The following RALY variants were observed in gnomAD, a reference collection of about 807,000 sequenced individuals.
RALY encodes RALY heterogeneous nuclear ribonucleoprotein.
RALY carries 15 observed loss-of-function variants against 30.7 expected under a neutral mutation model. That is an observed-to-expected ratio of 0.49 (90% CI 0.33 to 0.75). The LOEUF (loss-of-function observed/expected upper bound fraction) is 0.75. Among genes scored for constraint, RALY ranks in the 30% least tolerant of loss-of-function variants. The probability of loss-of-function intolerance (pLI) is 0.02; values close to 1 mark genes in which losing one functional copy is unlikely to be tolerated. For synonymous variants in RALY, 177 were observed against 170.8 expected (o/e 1.04, Z -0.28); for missense variants, 339 against 414.3 (o/e 0.82, Z 1.58).
At chr20:34,045,605 G>A (rs2032853422) in intron 2 of RALY, among the ~76,000 whole-genome samples, 1 of 152,200 alleles carries the variant, frequency 6.6e-6, no homozygotes, top group Non-Finnish European at 1.5e-5. Context: ...GAACGTTCTG[G>A]TTCAGGCTCC....
At chr20:34,016,381 AC>A (rs2031608689) in intron 1 of RALY, 2 of 152,224 alleles carry the variant, frequency 1.3e-5, no homozygotes, top group African/African-American at 4.8e-5. Context: ...ATAGTGGGCT[AC>A]CTCTGAATGT....
chr20:34,019,728 A>G (rs1218640186), intron 1 of RALY, among the ~76,000 whole-genome samples: 1 of 152,168 alleles, frequency 6.6e-6, no homozygotes, highest in Non-Finnish European at 1.5e-5. Flanking sequence ...ACAACCATAC[A>G]CATACAAATT....
rs1483845333 is a variant in RALY at position 34,083,006 on chromosome 20, C to A, written c.*3101C>A. On this transcript the variant is annotated 3_prime_UTR_variant, in exon 10 of 10. Transcript: ENST00000246194. Reference sequence around the variant, plus strand: ...CCTGGGACTTTCCCCCTGTTGCTGCCAGCCAGGTTGATGACCCTGGGCAAG... The same window carrying A: ...CCTGGGACTTTCCCCCTGTTGCTGCAAGCCAGGTTGATGACCCTGGGCAAG... 1 of 152,214 alleles carries A rather than the reference C, an allele frequency of 6.6e-6. No homozygotes were observed. Among genetic ancestry groups the A allele is most frequent in the Non-Finnish European group, 1.5e-5 (1 of 68,052 alleles). 9.4% of individuals were successfully genotyped at this position (152,214 alleles called of 1,614,324 possible). A position where few individuals can be genotyped will look rare whatever the true frequency, so the allele number is the denominator to read the frequency against.
intron 2 of RALY, among the ~76,000 whole-genome samples, chr20:34,071,379 G>A (rs1162984673): frequency 6.6e-6 from 1 of 151,800 alleles, no homozygotes; most frequent in African/African-American, 2.4e-5. Flanking sequence ...CTGGGTTCAA[G>A]CAATTTTCCT....
intron 1 of RALY, among the ~76,000 whole-genome samples, chr20:34,010,820 C>T (rs940337659): frequency 1.3e-5 from 2 of 152,174 alleles, no homozygotes; most frequent in Non-Finnish European, 2.9e-5. Flanking sequence ...GGTTAAGCAA[C>T]TTGCCTAAGG....
intron 2 of RALY, among the ~76,000 whole-genome samples, chr20:34,043,470 C>G (rs371350181): frequency 2.0e-4 from 31 of 152,318 alleles, no homozygotes; most frequent in Middle Eastern, 3.4e-3. Flanking sequence ...CATGTCCAGT[C>G]TTTACCCTGA....
chr20:34,049,876 C>T (rs557243848), intron 2 of RALY, among the ~76,000 whole-genome samples: 3 of 152,258 alleles, frequency 2.0e-5, no homozygotes, highest in Admixed American at 6.5e-5. Context: ...TCTTTCTATC[C>T]CCTACTTAGT....
intron 3 of RALY, among the ~76,000 whole-genome samples, chr20:34,072,959 T>A (rs6057974): frequency 0.59 from 88,073 of 148,872 alleles, 26,346 homozygotes; most frequent in East Asian, 0.83. Flanking sequence ...TGTGTGTGTG[T>A]GAGAGAGAGA....
chr20:34,029,058 G>GAGACC (rs1437547814), intron 1 of RALY, among the ~76,000 whole-genome samples: 2 of 152,306 alleles, frequency 1.3e-5, no homozygotes, highest in African/African-American at 4.8e-5. Context: ...TAGTGAAACA[G>GAGACC]AGACCAGGGA....
intron 2 of RALY, among the ~76,000 whole-genome samples, chr20:34,061,941 A>G (rs2033429415): frequency 1.3e-5 from 2 of 152,282 alleles, no homozygotes; most frequent in South Asian, 2.1e-4. Flanking sequence ...TTCTTTTTCT[A>G]TCACTGACCC....
chr20:34,064,240 G>GGGGA (rs1332388170), intron 2 of RALY, among the ~76,000 whole-genome samples: 2 of 152,142 alleles, frequency 1.3e-5, no homozygotes, highest in African/African-American at 2.4e-5. Context: ...GAACTATGAA[G>GGGGA]GGGAGCTTGT....
chr20:34,025,633 C>A (rs1411641298), intron 1 of RALY, among the ~76,000 whole-genome samples: 3 of 151,874 alleles, frequency 2.0e-5, no homozygotes, highest in Admixed American at 2.0e-4. Context: ...TTCCTGCAGG[C>A]CCTGGAGCTT....
chr20:33,999,059 G>A (rs1241024242), intron 1 of RALY, among the ~76,000 whole-genome samples: 1 of 151,458 alleles, frequency 6.6e-6, no homozygotes, highest in African/African-American at 2.4e-5. Flanking sequence ...GAACCTGGGA[G>A]GTGGAGGTTG....
chr20:34,033,975 G>A (rs898365403), intron 2 of RALY, among the ~76,000 whole-genome samples: 1 of 152,154 alleles, frequency 6.6e-6, no homozygotes, highest in Non-Finnish European at 1.5e-5. Context: ...AGGCAGCCAC[G>A]ATTTGCAATA....
intron 2 of RALY, among the ~76,000 whole-genome samples, chr20:34,036,540 G>T (rs989838987): frequency 2.0e-5 from 3 of 152,120 alleles, no homozygotes; most frequent in Non-Finnish European, 4.4e-5. Flanking sequence ...CATTAGGGTG[G>T]CCTCATGGAA....
intron 1 of RALY, among the ~76,000 whole-genome samples, chr20:34,022,664 T>C (rs917034896): frequency 3.9e-5 from 6 of 152,178 alleles, no homozygotes; most frequent in African/African-American, 1.4e-4. Flanking sequence ...CCTTCAGCAC[T>C]GTGCATCTGC....
chr20:34,015,799 C>T (rs1234671241), intron 1 of RALY, among the ~76,000 whole-genome samples: 1 of 152,068 alleles, frequency 6.6e-6, no homozygotes, highest in Non-Finnish European at 1.5e-5. Context: ...CAGAGGCAGA[C>T]ACCTACTTTT....
At chr20:34,020,186 G>A (rs2031766722) in intron 1 of RALY, among the ~76,000 whole-genome samples, 1 of 152,232 alleles carries the variant, frequency 6.6e-6, no homozygotes, top group South Asian at 2.1e-4. Flanking sequence ...AAGGTTCACC[G>A]TAACACATGT....
chr20:34,021,880 T>A lies in RALY; in HGVS notation c.-92-9642T>A, dbSNP rs928493426. ...TTAAATTTTTTTATTATTAAAAAAATTTTTTTTAATTTGTTCTTTTAAGTT... is the reference window on the plus strand; with the variant it reads ...TTAAATTTTTTTATTATTAAAAAAAATTTTTTTAATTTGTTCTTTTAAGTT... On this transcript the variant is annotated intron_variant, in intron 1 of 9. Coordinates refer to ENST00000246194, the MANE Select transcript of RALY (RefSeq NM_016732.3). Among the ~76,000 whole-genome samples the A allele has an allele frequency of 2.8e-4, 43 of 151,168 alleles. No individual in the cohort carries two copies. The East Asian group carries it at 3.7e-3, about 13-fold the overall frequency.
Sources: gnomAD v4.1 joint callset for allele counts (sites outside exome capture counted in the v4.1 genomes callset) on GRCh38, gnomAD v4.1.1 for gene constraint, MANE v1.5 for transcripts, NCBI Gene and HGNC (gene_info 2026-07-23, HGNC 2026-07-21) for gene names.